Variants in GNAO1 observed in about 807,000 individuals in gnomAD.
The protein encoded by GNAO1 is G protein subunit alpha o1, also known as guanine nucleotide-binding protein G(o) subunit alpha.
For missense variants in GNAO1, 166 were observed against 478.7 expected (o/e 0.35, Z 6.10); for synonymous variants, 164 against 180.7 (o/e 0.91, Z 0.74).
At chr16:56,208,592 C>T (rs1476405270) in intron 2 of GNAO1, among the ~76,000 whole-genome samples, 5 of 152,170 alleles carry the variant, frequency 3.3e-5, no homozygotes, top group Non-Finnish European at 7.3e-5. Flanking sequence ...TTTATATTCA[C>T]GGTAGCAGAA....
chr16:56,202,580 GA>G (rs2036290466), intron 2 of GNAO1, among the ~76,000 whole-genome samples: 1 of 152,230 alleles, frequency 6.6e-6, no homozygotes, highest in Admixed American at 6.5e-5. Context: ...CCCCTTAGGG[GA>G]TGGGTAGCTT....
chr16:56,344,647 G>C (rs896004942), intron 6 of GNAO1: 1 of 985,688 alleles, frequency 1.0e-6, no homozygotes, highest in Non-Finnish European at 1.2e-6. Context: ...GCGTGGAGCG[G>C]GGGGAGGGAG....
chr16:56,206,192 C>T (rs1275643179), intron 2 of GNAO1, among the ~76,000 whole-genome samples: 1 of 151,738 alleles, frequency 6.6e-6, no homozygotes, highest in African/African-American at 2.4e-5. Flanking sequence ...TGGTGGTGGG[C>T]GACTGTAGTC....
At chr16:56,207,480 C>A (rs2036341091) in intron 2 of GNAO1, among the ~76,000 whole-genome samples, 1 of 152,128 alleles carries the variant, frequency 6.6e-6, no homozygotes, top group Non-Finnish European at 1.5e-5. Context: ...AGAACTAGAG[C>A]CTAGTTTTTC....
intron 6 of GNAO1, chr16:56,345,725 G>T (rs2037860497): frequency 1.0e-6 from 1 of 985,582 alleles, no homozygotes; most frequent in Middle Eastern, 5.2e-4. Context: ...GACAGCCAGG[G>T]CCAGCTAAGC....
chr16:56,267,081 A>G (rs2036961580), intron 2 of GNAO1, among the ~76,000 whole-genome samples: 1 of 152,178 alleles, frequency 6.6e-6, no homozygotes, highest in Admixed American at 6.5e-5. Context: ...ACCACTGGCC[A>G]CAAGACCACA....
intron 2 of GNAO1, among the ~76,000 whole-genome samples, chr16:56,261,734 T>C (rs530706399): frequency 9.9e-5 from 15 of 152,020 alleles, no homozygotes; most frequent in Non-Finnish European, 2.2e-4. Flanking sequence ...CAAAATGGGA[T>C]GGGGGCAGCT....
At chr16:56,285,330 T>G (rs2037155619) in intron 3 of GNAO1, among the ~76,000 whole-genome samples, 1 of 149,772 alleles carries the variant, frequency 6.7e-6, no homozygotes, top group African/African-American at 2.4e-5. Flanking sequence ...TAAATATTCC[T>G]CGGCATCAGG....
chr16:56,356,406 T>C lies in GNAO1; in HGVS notation c.*332T>C, dbSNP rs1428719155. On this transcript the variant is annotated 3_prime_UTR_variant, in exon 9 of 9. Coordinates refer to ENST00000262493, the MANE Select transcript of GNAO1 (RefSeq NM_020988.3). Reference sequence around the variant, plus strand: ...AAACATACCCATCTGCACCGACGCCTGCCCCCGTCCCACCTCGCGGCGCAG... The same window carrying C: ...AAACATACCCATCTGCACCGACGCCCGCCCCCGTCCCACCTCGCGGCGCAG... 3 of 152,538 alleles carry C rather than the reference T, an allele frequency of 2.0e-5. No individual in the cohort carries two copies. Among genetic ancestry groups the C allele is most frequent in the African/African-American group, 4.8e-5 (2 of 41,468 alleles). 9.4% of individuals were successfully genotyped at this position (152,538 alleles called of 1,614,324 possible). A position where few individuals can be genotyped will look rare whatever the true frequency, so the allele number is the denominator to read the frequency against.
At position 56,351,332 on chromosome 16, in the gene GNAO1, CTG is replaced by C. The variant is rs2037919035; in HGVS notation, c.724-48_724-47del. 3.6e-6 allele frequency: 5 copies of C among 1,379,664 alleles called. No individual in the cohort carries two copies. Among genetic ancestry groups the C allele is most frequent in the South Asian group, 1.2e-5 (1 of 84,238 alleles). The allele number at this position is 1,379,664 out of a possible 1,614,324, so 85.5% of individuals were successfully genotyped here. A position where few individuals can be genotyped will look rare whatever the true frequency, so the allele number is the denominator to read the frequency against. ...ATTCTCTCCTTCTCTTTCCCTGTCTCTGTGTCTCCCTCCCGCTGTCTGTCCTC... is the reference window on the plus strand; with the variant it reads ...ATTCTCTCCTTCTCTTTCCCTGTCTCTGTCTCCCTCCCGCTGTCTGTCCTC... On this transcript the variant is annotated intron_variant, in intron 6 of 8. Coordinates refer to ENST00000262493, the MANE Select transcript of GNAO1 (RefSeq NM_020988.3). The surrounding 1 kb of genome is among the most constrained non-coding windows in gnomAD (Gnocchi z 6.1).
chr16:56,322,969 G>A (rs1231108559), intron 3 of GNAO1, among the ~76,000 whole-genome samples: 1 of 152,132 alleles, frequency 6.6e-6, no homozygotes, highest in Non-Finnish European at 1.5e-5. Flanking sequence ...ATCAGGAAAC[G>A]ATCCCTGCCC....
chr16:56,344,400 T>C (rs1183090846), intron 6 of GNAO1: 1 of 1,014,992 alleles, frequency 9.9e-7, no homozygotes, highest in Non-Finnish European at 1.2e-6. Flanking sequence ...CTGGGGTCTC[T>C]GGTGGAGGGC....
chr16:56,345,545 T>A, intron 6 of GNAO1: 1 of 906,072 alleles, frequency 1.1e-6, no homozygotes, highest in Non-Finnish European at 1.3e-6. Flanking sequence ...TAGTGCCAAA[T>A]GCCTGCAGGG....
intron 2 of GNAO1, among the ~76,000 whole-genome samples, chr16:56,216,797 A>G (rs1387424406): frequency 1.3e-5 from 2 of 152,238 alleles, no homozygotes; most frequent in African/African-American, 4.8e-5. Context: ...TAGGCTCTGG[A>G]GGCAGACAGC....
At chr16:56,318,878 C>T (rs2037541808) in intron 3 of GNAO1, among the ~76,000 whole-genome samples, 1 of 152,142 alleles carries the variant, frequency 6.6e-6, no homozygotes, top group African/African-American at 2.4e-5. Context: ...ATCCTCACCC[C>T]GTTTTATCTG....
At chr16:56,243,307 C>G (rs1181685866) in intron 2 of GNAO1, among the ~76,000 whole-genome samples, 2 of 152,128 alleles carry the variant, frequency 1.3e-5, no homozygotes, top group African/African-American at 4.8e-5. Flanking sequence ...AAAATTGTCT[C>G]CCATGAAATT....
At position 56,334,974 on chromosome 16, in the gene GNAO1, C is replaced by T. The variant is rs2251025; in HGVS notation, c.593+117C>T. 0.76 allele frequency: 833,740 copies of T among 1,092,240 alleles called. 319,013 individuals are homozygous for T. Among genetic ancestry groups the T allele is most frequent in the East Asian group, 0.87 (34,993 of 40,318 alleles). 67.7% of individuals were successfully genotyped at this position (1,092,240 alleles called of 1,614,324 possible). A position where few individuals can be genotyped will look rare whatever the true frequency, so the allele number is the denominator to read the frequency against. On this transcript the variant is annotated intron_variant, in intron 5 of 8. Transcript: ENST00000262493. ...CATCCTGCCCCAGGGAACCTGCGGG[C>T]TGGGGCAGGCAGCTAGATACTAGAA...
At position 56,334,768 on chromosome 16, in the gene GNAO1, C is replaced by T; in HGVS notation, c.504C>T (p.Tyr168=). 6.2e-7 allele frequency: 1 copy of T among 1,613,902 alleles called. No homozygotes were observed. The highest frequency in any genetic ancestry group is 8.5e-7 in the Non-Finnish European group (1 of 1,179,866). ...TGGATCGGATTGGGGCCGCCGACTA[C>T]CAGCCCACCGAGCAGGACATCCTCC... The part of the protein sequence containing the change: ...DSLDRIGAAD[Y]QPTEQDILRT... Residue 168 remains tyrosine (Y), a synonymous_variant, in exon 5 of 9, where the codon TAC becomes TAT. Coordinates refer to ENST00000262493, the MANE Select transcript of GNAO1 (RefSeq NM_020988.3).
chr16:56,297,339 G>A (rs756259744), intron 3 of GNAO1, among the ~76,000 whole-genome samples: 1 of 151,896 alleles, frequency 6.6e-6, no homozygotes, highest in Non-Finnish European at 1.5e-5. Context: ...CTTGACCCCC[G>A]GTTGCAGACA....
Sources: allele counts gnomAD v4.1 joint callset (sites outside exome capture counted in the v4.1 genomes callset), GRCh38; gene constraint gnomAD v4.1.1; non-coding constraint Gnocchi (gnomAD v3.1); transcripts MANE v1.5; gene names NCBI Gene and HGNC (gene_info 2026-07-23, HGNC 2026-07-21).